The following MEGF9 variants were observed in gnomAD, a reference collection of about 807,000 sequenced individuals.
MEGF9 encodes multiple epidermal growth factor-like domains protein 9.
MEGF9 carries 6 observed loss-of-function variants against 46.8 expected under a neutral mutation model. The ratio of observed to expected loss-of-function variants is 0.13; its 90% CI spans 0.07 to 0.25. MEGF9 has a LOEUF of 0.25. MEGF9 is among the 10% of genes least tolerant of loss of function. The pLI, the probability that MEGF9 is intolerant of heterozygous loss-of-function variation, is 1.00. For missense variants in MEGF9, 683 were observed against 792.4 expected, an observed-to-expected ratio of 0.86 and a Z score of 1.66; for synonymous variants, 302 against 330.7, an observed-to-expected ratio of 0.91 and a Z score of 0.94.
At chr9:120,702,007 C>T (rs1032416230) in intron 1 of MEGF9, among the ~76,000 whole-genome samples, 2 of 151,460 alleles carry the variant, frequency 1.3e-5, no homozygotes, top group Non-Finnish European at 2.9e-5. Flanking sequence ...CACGCCACTG[C>T]TCTCCAGCCT....
intron 2 of MEGF9, among the ~76,000 whole-genome samples, chr9:120,636,833 G>C (rs573950234): frequency 2.8e-4 from 41 of 146,016 alleles, no homozygotes; most frequent in Non-Finnish European, 5.5e-4. Flanking sequence ...GCCCCCGCCC[G>C]GCAGCCGCCC....
At chr9:120,663,656 A>G (rs1381977219) in intron 1 of MEGF9, among the ~76,000 whole-genome samples, 1 of 152,232 alleles carries the variant, frequency 6.6e-6, no homozygotes, top group Non-Finnish European at 1.5e-5. Flanking sequence ...GAATGAAACA[A>G]TATGAAGAGG....
intron 1 of MEGF9, among the ~76,000 whole-genome samples, chr9:120,659,971 C>A (rs2132322955): frequency 6.7e-6 from 1 of 150,320 alleles, no homozygotes; most frequent in Non-Finnish European, 1.5e-5. Flanking sequence ...ACTTTGGCAA[C>A]CGATTCAAGG....
At chr9:120,711,769 A>G (rs1161165881) in intron 1 of MEGF9, among the ~76,000 whole-genome samples, 1 of 152,000 alleles carries the variant, frequency 6.6e-6, no homozygotes, top group African/African-American at 2.4e-5. Context: ...TTTTTCTATT[A>G]TATTTTACTA....
chr9:120,708,273 G>C (rs1165460997), intron 1 of MEGF9, among the ~76,000 whole-genome samples: 1 of 152,136 alleles, frequency 6.6e-6, no homozygotes, highest in Non-Finnish European at 1.5e-5. Flanking sequence ...GCTGAGGCAG[G>C]AGAATCACTT....
chr9:120,678,196 A>C (rs1213045265), intron 1 of MEGF9, among the ~76,000 whole-genome samples: 1 of 152,210 alleles, frequency 6.6e-6, no homozygotes, highest in Non-Finnish European at 1.5e-5. Flanking sequence ...TAGTCTGTTG[A>C]TGGATACTTG....
Position 120,713,321 on chromosome 9 carries a change from T to C in MEGF9, c.601+437A>G, listed in dbSNP as rs561936861. ...TGATATTTACATAAACAAGAAGAAA[T>C]GAACAGGGAAACTGGAGCTTTGGGA... On this transcript the variant is annotated intron_variant, in intron 1 of 5. Coordinates refer to ENST00000373930, the MANE Select transcript of MEGF9 (RefSeq NM_001080497.3). Among the ~76,000 whole-genome samples, 12 of 152,228 alleles carry C rather than the reference T, an allele frequency of 7.9e-5. No homozygotes were observed. In the South Asian group the frequency reaches 2.5e-3, roughly 32 times the overall value.
intron 1 of MEGF9, chr9:120,691,468 T>A: frequency 2.1e-6 from 1 of 470,074 alleles, no homozygotes; most frequent in Admixed American, 2.6e-5. Context: ...CACAGGCCAC[T>A]GATGCCCTGA....
chr9:120,705,042 A>C (rs2132345399), intron 1 of MEGF9, among the ~76,000 whole-genome samples: 1 of 152,268 alleles, frequency 6.6e-6, no homozygotes, highest in Middle Eastern at 3.4e-3. Flanking sequence ...ATTGTTCCTC[A>C]GAAGAAGGTG....
intron 4 of MEGF9, among the ~76,000 whole-genome samples, chr9:120,611,865 A>AGGAAGGAAGGAAGAAAG (rs572613293): frequency 7.3e-6 from 1 of 137,154 alleles, no homozygotes; most frequent in African/African-American, 3.0e-5. Context: ...GGAAGGAAGA[A>AGGAAGGAAGGAAGAAAG]AGAGAGAGAG....
rs566862903 is a variant in MEGF9 at position 120,605,000 on chromosome 9, C to T, written c.*190G>A. The T allele has an allele frequency of 1.7e-4, 107 of 613,506 alleles. No individual in the cohort carries two copies. The East Asian group carries it at 2.8e-3, about 16-fold the overall frequency. The allele number at this position is 613,506 out of a possible 1,614,324, so 38.0% of individuals were successfully genotyped here. On this transcript the variant is annotated 3_prime_UTR_variant, in exon 6 of 6. Transcript: ENST00000373930. The stretch of plus-strand genomic sequence containing the variant: ...CTTCAAGTCCTAATGACAGTGAACG[C>T]TTCAGATCTTCATGGGAAAACTAAG...
intron 1 of MEGF9, among the ~76,000 whole-genome samples, chr9:120,702,375 T>C (rs2043909472): frequency 1.3e-5 from 2 of 152,212 alleles, no homozygotes; most frequent in African/African-American, 4.8e-5. Flanking sequence ...TTACCAAGCT[T>C]ATCAGAACTT....
intron 1 of MEGF9, among the ~76,000 whole-genome samples, chr9:120,675,523 G>A (rs1175435743): frequency 2.0e-5 from 3 of 152,084 alleles, no homozygotes; most frequent in Non-Finnish European, 4.4e-5. Flanking sequence ...AGCCTGGGAG[G>A]TCAAGGTTGC....
chr9:120,714,282 GCGGCGGC>G lies in MEGF9; in HGVS notation c.70_76del (p.Ala24ProfsTer135). On this transcript the variant is annotated frameshift_variant, in exon 1 of 6. Coordinates refer to ENST00000373930, the MANE Select transcript of MEGF9 (RefSeq NM_001080497.3). LOFTEE classifies it high-confidence loss of function. Reference sequence around the variant, plus strand: ...TGAGGCGACGGCGGCGGCGGCGGCGGCGGCGGCGCAGCACAACAGGGCGAGGCCGCCC... The same window carrying G: ...TGAGGCGACGGCGGCGGCGGCGGCGGGCAGCACAACAGGGCGAGGCCGCCC... The G allele has an allele frequency of 7.9e-7, 1 of 1,260,092 alleles. No individual in the cohort carries two copies. The highest frequency in any genetic ancestry group is 1.0e-6 in the Non-Finnish European group (1 of 1,003,964). The allele number at this position is 1,260,092 out of a possible 1,614,324, so 78.1% of individuals were successfully genotyped here.
intron 1 of MEGF9, among the ~76,000 whole-genome samples, chr9:120,680,540 G>A (rs1032865551): frequency 1.3e-5 from 2 of 152,112 alleles, no homozygotes; most frequent in African/African-American, 2.4e-5. Flanking sequence ...ATGCACCCCT[G>A]TGGCCACCAC....
At chr9:120,710,850 T>G (rs2043949825) in intron 1 of MEGF9, among the ~76,000 whole-genome samples, 1 of 152,244 alleles carries the variant, frequency 6.6e-6, no homozygotes. Context: ...TGCTCCATAC[T>G]TGATCAGATC....
intron 2 of MEGF9, among the ~76,000 whole-genome samples, chr9:120,628,469 T>TTG (rs2043536105): frequency 3.2e-5 from 1 of 31,284 alleles, no homozygotes; most frequent in Admixed American, 4.3e-4. Flanking sequence ...CTTGTCGTTG[T>TTG]TTTTTTTTTT....
At chr9:120,699,335 T>C (rs1454763495) in intron 1 of MEGF9, among the ~76,000 whole-genome samples, 1 of 152,164 alleles carries the variant, frequency 6.6e-6, no homozygotes, top group Non-Finnish European at 1.5e-5. Flanking sequence ...TCAGTGATTT[T>C]AAAAAAGCTT....
At chr9:120,692,063 G>A (rs1181321819) in intron 1 of MEGF9, among the ~76,000 whole-genome samples, 1 of 152,166 alleles carries the variant, frequency 6.6e-6, no homozygotes, top group Non-Finnish European at 1.5e-5. Flanking sequence ...AGGACTGAAA[G>A]TGAAAATGTA....
Sources: gnomAD v4.1 joint callset for allele counts (sites outside exome capture counted in the v4.1 genomes callset) on GRCh38, gnomAD v4.1.1 for gene constraint, MANE v1.5 for transcripts, NCBI Gene and HGNC (gene_info 2026-07-23, HGNC 2026-07-21) for gene names.